Variants in EPB41L4A observed in about 807,000 individuals in gnomAD.
EPB41L4A encodes band 4.1-like protein 4A.
EPB41L4A carries 100 observed loss-of-function variants against 108.6 expected under a neutral mutation model. The ratio of observed to expected loss-of-function variants is 0.92; its 90% CI spans 0.78 to 1.09. EPB41L4A has a LOEUF of 1.09. EPB41L4A is among the 50% of genes least tolerant of loss of function. The pLI is 0.00. For missense variants in EPB41L4A, 1,030 were observed against 842.7 expected (o/e 1.22, Z -2.75); for synonymous variants, 319 against 289.0 (o/e 1.10, Z -1.05).
At chr5:112,361,710 A>AAAT (rs869095266) in intron 1 of EPB41L4A, among the ~76,000 whole-genome samples, 65 of 140,698 alleles carry the variant, frequency 4.6e-4, no homozygotes, top group Middle Eastern at 3.7e-3. Context: ...TGCTAAAAAA[A>AAAT]AATAATAATA....
chr5:112,356,797 G>A (rs922468756), intron 1 of EPB41L4A, among the ~76,000 whole-genome samples: 18 of 152,160 alleles, frequency 1.2e-4, no homozygotes, highest in South Asian at 2.1e-4. Flanking sequence ...TGGTGAAAAA[G>A]AAAAATCAAA....
rs774332939 is a variant in EPB41L4A, at chr5:112,264,880, G to C, written c.554+16C>G. Reference sequence around the variant, plus strand: ...CTGATGGATGATGCAATAAGACATGGTGTAATGATTCTTACATTAGAGTTT... The same window carrying C: ...CTGATGGATGATGCAATAAGACATGCTGTAATGATTCTTACATTAGAGTTT... On this transcript the variant is annotated intron_variant, in intron 6 of 22. Transcript: ENST00000261486. The C allele has an allele frequency of 6.2e-7, 1 of 1,604,856 alleles. No homozygotes were observed. Among genetic ancestry groups the C allele is most frequent in the African/African-American group, 1.3e-5 (1 of 74,470 alleles).
chr5:112,296,990 TACACACACACACAC>T (rs10542487), intron 2 of EPB41L4A, among the ~76,000 whole-genome samples: 2 of 148,766 alleles, frequency 1.3e-5, no homozygotes, highest in Non-Finnish European at 3.0e-5. Context: ...TATACATACA[TACACACACACACAC>T]ACACACACAC....
At chr5:112,187,873 C>T (rs538976815) in intron 17 of EPB41L4A, among the ~76,000 whole-genome samples, 2 of 152,290 alleles carry the variant, frequency 1.3e-5, no homozygotes, top group East Asian at 1.9e-4. Context: ...ATAAACATTG[C>T]TCCTGAGTTT....
Position 112,259,267 on chromosome 5 carries a change from T to G in EPB41L4A, c.757A>C (p.Lys253Gln). 1 of 1,614,000 alleles carries G rather than the reference T, an allele frequency of 6.2e-7. No individual in the cohort carries two copies. The highest frequency in any genetic ancestry group is 1.7e-5 in the Admixed American group (1 of 60,020). Reference sequence around the variant, plus strand: ...ACTCTGAGTTCAAATTGAGTCTCCTTGAAGTGAACCTTTGTAATCCGAGGC... The same window carrying G: ...ACTCTGAGTTCAAATTGAGTCTCCTGGAAGTGAACCTTTGTAATCCGAGGC... The part of the protein sequence containing the change: ...FWPRITKVHF[K>Q]ETQFELRVLG... The change falls in exon 9 of 23, where the codon AAG (lysine) becomes CAG (glutamine). Residue 253 changes from lysine to glutamine, a missense_variant. Transcript: ENST00000261486.
chr5:112,246,908 C>CA (rs1405814236), intron 9 of EPB41L4A, among the ~76,000 whole-genome samples: 1 of 152,138 alleles, frequency 6.6e-6, no homozygotes, highest in Non-Finnish European at 1.5e-5. Context: ...GTAGAGCTCT[C>CA]AAAATCATCT....
At chr5:112,349,570 G>A (rs1757905599) in intron 1 of EPB41L4A, among the ~76,000 whole-genome samples, 2 of 152,188 alleles carry the variant, frequency 1.3e-5, no homozygotes, top group African/African-American at 4.8e-5. Flanking sequence ...TTGAGTTTCG[G>A]AATGAGACTG....
chr5:112,401,641 T>C (rs1880332), intron 1 of EPB41L4A, among the ~76,000 whole-genome samples: 62,988 of 152,056 alleles, frequency 0.41, 14,576 homozygotes, highest in South Asian at 0.6. Flanking sequence ...TTCCAAGTAA[T>C]TGTATCTTTA....
chr5:112,419,307 G>T, upstream of EPB41L4A: 1 of 351,406 alleles, frequency 2.8e-6, no homozygotes, highest in Non-Finnish European at 5.2e-6. Flanking sequence ...GCGTCCCCGC[G>T]CATCCTGCGG....
chr5:112,166,064 G>A (rs1760225210), intron 22 of EPB41L4A, among the ~76,000 whole-genome samples: 1 of 152,186 alleles, frequency 6.6e-6, no homozygotes, highest in Admixed American at 6.5e-5. Flanking sequence ...AAAGTGCTAG[G>A]AGAGGACCTG....
chr5:112,279,950 C>A (rs1272843325), intron 3 of EPB41L4A, among the ~76,000 whole-genome samples: 2 of 146,746 alleles, frequency 1.4e-5, no homozygotes, highest in Non-Finnish European at 3.0e-5. Context: ...ACCTACCACC[C>A]CCGTTAATGT....
intron 9 of EPB41L4A, among the ~76,000 whole-genome samples, chr5:112,257,936 T>C (rs182688109): frequency 1.3e-3 from 198 of 152,352 alleles, no homozygotes; most frequent in Admixed American, 2.8e-3. Context: ...TTCAGTCTTA[T>C]ATTATAATGC....
chr5:112,294,441 C>T (rs1753862327), intron 2 of EPB41L4A, among the ~76,000 whole-genome samples: 1 of 152,144 alleles, frequency 6.6e-6, no homozygotes, highest in South Asian at 2.1e-4. Flanking sequence ...GGATTCAATG[C>T]TTCCCTTCAA....
intron 4 of EPB41L4A, among the ~76,000 whole-genome samples, chr5:112,270,359 C>T (rs1752173038): frequency 6.6e-6 from 1 of 152,150 alleles, no homozygotes; most frequent in African/African-American, 2.4e-5. Flanking sequence ...GGAGTGTGAT[C>T]GTTACCTTCA....
intron 1 of EPB41L4A, among the ~76,000 whole-genome samples, chr5:112,414,964 C>T (rs570383992): frequency 2.0e-4 from 31 of 152,248 alleles, no homozygotes; most frequent in Admixed American, 1.2e-3. Context: ...CTTCTACCTA[C>T]GTTTATATGG....
intron 22 of EPB41L4A, among the ~76,000 whole-genome samples, chr5:112,166,233 TGGTGGAAATTAG>T (rs1760235418): frequency 3.3e-5 from 5 of 152,252 alleles, no homozygotes; most frequent in African/African-American, 1.2e-4. Context: ...GGTGGCATTG[TGGTGGAAATTAG>T]AACTTAAAGT....
chr5:112,169,102 T>G lies in EPB41L4A; in HGVS notation c.1743A>C (p.Thr581=). 6.2e-7 allele frequency: 1 copy of G among 1,611,890 alleles called. No homozygotes were observed. The highest frequency in any genetic ancestry group is 8.5e-7 in the Non-Finnish European group (1 of 1,177,960). ...GCCTGATGCGGATTGGGTCACCTTG[T>G]GTCCTGAACAAGCAACCAAGAAACA... The part of the protein sequence containing the change: ...LKEIPYTKIE[T]QGDPIRIRHS... The change falls in exon 21 of 23, where the codon ACA becomes ACC. Residue 581 remains threonine (T), a synonymous_variant. Coordinates refer to ENST00000261486, the MANE Select transcript of EPB41L4A (RefSeq NM_022140.5).
At chr5:112,245,388 T>C (rs1750131238) in intron 9 of EPB41L4A, among the ~76,000 whole-genome samples, 1 of 152,198 alleles carries the variant, frequency 6.6e-6, no homozygotes, top group South Asian at 2.1e-4. Flanking sequence ...CTACTTTTAA[T>C]AAGGACAGAA....
At chr5:112,404,673 A>G (rs1443684892) in intron 1 of EPB41L4A, among the ~76,000 whole-genome samples, 1 of 152,196 alleles carries the variant, frequency 6.6e-6, no homozygotes, top group Non-Finnish European at 1.5e-5. Context: ...TAGACACTCA[A>G]TGAAAAGTAT....
Sources: gnomAD v4.1 joint callset for allele counts (sites outside exome capture counted in the v4.1 genomes callset) on GRCh38, gnomAD v4.1.1 for gene constraint, MANE v1.5 for transcripts, NCBI Gene and HGNC (gene_info 2026-07-23, HGNC 2026-07-21) for gene names.